GBE1: variants seen among roughly 807,000 people sequenced by gnomAD.
GBE1 encodes the protein 1,4-alpha-glucan branching enzyme 1.
GBE1 carries 70 observed loss-of-function variants against 88.8 expected under a neutral mutation model. The observed-to-expected ratio is 0.79, with a 90% CI of 0.65 to 0.96. The LOEUF (loss-of-function observed/expected upper bound fraction) is 0.96. Among genes scored for constraint, GBE1 ranks in the 40% least tolerant of loss-of-function variants. The pLI is 0.00. For synonymous variants in GBE1, 284 were observed against 300.1 expected, an observed-to-expected ratio of 0.95 and a Z score of 0.56; for missense variants, 872 against 871.0, an observed-to-expected ratio of 1.00 and a Z score of -0.01.
intron 15 of GBE1, among the ~76,000 whole-genome samples, chr3:81,491,150 T>C (rs1241911904): frequency 6.6e-6 from 1 of 152,190 alleles, no homozygotes; most frequent in African/African-American, 2.4e-5. Flanking sequence ...TGATGTGCCT[T>C]CTGCTGTAAA....
Position 81,598,300 on chromosome 3 carries a change from A to G in GBE1, c.993-4277T>C, listed in dbSNP as rs150178366. ...TAGGCTTTTAGGCTGAATGGGTATT[A>G]AACAGTACATCATAAAACCACGAAT... On this transcript the variant is annotated intron_variant, in intron 7 of 15. Transcript: ENST00000429644. Among the ~76,000 whole-genome samples, 546 of 152,166 alleles carry G rather than the reference A, an allele frequency of 3.6e-3. 3 individuals are homozygous for G. Among genetic ancestry groups the G allele is most frequent in the Non-Finnish European group, 4.6e-3 (315 of 67,888 alleles).
intron 1 of GBE1, 23 bp from the exon 2 acceptor site, chr3:81,705,636 A>G (rs1178089360): frequency 1.4e-6 from 2 of 1,467,480 alleles, no homozygotes; most frequent in East Asian, 5.2e-5. Context: ...ATGAAAGAAA[A>G]TGAGTTAGAA....
intron 14 of GBE1, among the ~76,000 whole-genome samples, chr3:81,504,277 G>T (rs1702627007): frequency 6.6e-6 from 1 of 150,964 alleles, no homozygotes; most frequent in African/African-American, 2.5e-5. Flanking sequence ...AGAAAAATCA[G>T]ATAAAATGAT....
chr3:81,624,606 T>C (rs1704377765), intron 7 of GBE1, among the ~76,000 whole-genome samples: 2 of 152,180 alleles, frequency 1.3e-5, no homozygotes, highest in South Asian at 4.1e-4. Context: ...AAATAATATA[T>C]GATCAACCGG....
At chr3:81,556,737 G>A (rs570032127) in intron 12 of GBE1, among the ~76,000 whole-genome samples, 3 of 151,962 alleles carry the variant, frequency 2.0e-5, no homozygotes, top group African/African-American at 2.4e-5. Context: ...GCAGTTTTAC[G>A]CTTTCTAATA....
intron 7 of GBE1, among the ~76,000 whole-genome samples, chr3:81,640,074 T>C (rs2107053965): frequency 6.6e-6 from 1 of 152,318 alleles, no homozygotes; most frequent in Non-Finnish European, 1.5e-5. Flanking sequence ...TTTGTTTAAA[T>C]GAATTTATAT....
intron 14 of GBE1, among the ~76,000 whole-genome samples, chr3:81,507,161 T>C (rs890765093): frequency 6.6e-5 from 10 of 152,086 alleles, no homozygotes; most frequent in African/African-American, 2.4e-4. Flanking sequence ...TTTCTTTCAA[T>C]GGAATATCCA....
chr3:81,562,391 G>A (rs1703432770), intron 12 of GBE1, among the ~76,000 whole-genome samples: 1 of 152,000 alleles, frequency 6.6e-6, no homozygotes, highest in South Asian at 2.1e-4. Flanking sequence ...ACCAACATTA[G>A]CATTCATTTT....
chr3:81,607,623 ATAT>A (rs1180626289), intron 7 of GBE1, among the ~76,000 whole-genome samples: 1 of 152,158 alleles, frequency 6.6e-6, no homozygotes, highest in African/African-American at 2.4e-5. Context: ...TCGTCTTGTC[ATAT>A]TATTTTAATT....
chr3:81,709,209 GT>G (rs1484029929), intron 1 of GBE1, among the ~76,000 whole-genome samples: 6 of 152,106 alleles, frequency 3.9e-5, no homozygotes, highest in African/African-American at 1.4e-4. Context: ...AGTGGCAACT[GT>G]TTCAAAATAC....
intron 12 of GBE1, among the ~76,000 whole-genome samples, chr3:81,577,117 CT>C (rs1703659411): frequency 6.6e-6 from 1 of 150,930 alleles, no homozygotes; most frequent in African/African-American, 2.4e-5. Context: ...TTTTTTTCTT[CT>C]TTTGGTAGAG....
At position 81,692,208 on chromosome 3, in the gene GBE1, G is replaced by C. The variant is rs571676181; in HGVS notation, c.313+13236C>G. The stretch of plus-strand genomic sequence containing the variant: ...ACCATATTTTTATTTTTAATGCCTT[G>C]GATTAAAAGTGCTCAATTAGATAGA... On this transcript the variant is annotated intron_variant, in intron 2 of 15. Transcript: ENST00000429644. Among the ~76,000 whole-genome samples, 105 of 152,204 alleles carry C rather than the reference G, an allele frequency of 6.9e-4. 1 individual carries two copies. The highest frequency in any genetic ancestry group is 2.4e-3 in the African/African-American group (101 of 41,520).
intron 7 of GBE1, among the ~76,000 whole-genome samples, chr3:81,618,647 CT>C (rs1559664850): frequency 6.6e-6 from 1 of 152,126 alleles, no homozygotes; most frequent in Non-Finnish European, 1.5e-5. Context: ...TTTTGCTTCA[CT>C]TTTCTCTCAC....
At chr3:81,518,889 A>G (rs552333316) in intron 14 of GBE1, among the ~76,000 whole-genome samples, 142 of 151,280 alleles carry the variant, frequency 9.4e-4, no homozygotes, top group Non-Finnish European at 1.6e-3. Context: ...ACTGTGTAGA[A>G]CTTCTGGAGA....
At chr3:81,491,611 A>C (rs551852110) in intron 15 of GBE1, among the ~76,000 whole-genome samples, 5 of 152,282 alleles carry the variant, frequency 3.3e-5, no homozygotes, top group African/African-American at 1.2e-4. Context: ...GCAAACAGTA[A>C]AAATAATATT....
chr3:81,744,166 C>A lies in GBE1; in HGVS notation c.143+17209G>T, dbSNP rs1394990895. ...CACTGTCTAATATGGTAGCCACCAG[C>A]CAAACATTATTATTAAGCACTTGAA... On this transcript the variant is annotated intron_variant, in intron 1 of 15. Transcript: ENST00000429644. Among the ~76,000 whole-genome samples, 5 of 152,114 alleles carry A rather than the reference C, an allele frequency of 3.3e-5. No homozygotes were observed. The East Asian group carries it at 9.7e-4, about 29-fold the overall frequency.
rs750612676 is a variant in GBE1 at position 81,760,675 on chromosome 3, T to C, written c.143+700A>G. ...GTAACTAAAGTTGTATGGTACACAA[T>C]GGTAGAAGACAAGCTAAAACGACAT... On this transcript the variant is annotated intron_variant, in intron 1 of 15. Coordinates refer to ENST00000429644, the MANE Select transcript of GBE1 (RefSeq NM_000158.4). Among the ~76,000 whole-genome samples the C allele has an allele frequency of 1.2e-4, 19 of 152,330 alleles. No homozygotes were observed. The East Asian group carries it at 2.3e-3, about 19-fold the overall frequency.
At chr3:81,671,431 T>C (rs1215607781) in intron 2 of GBE1, among the ~76,000 whole-genome samples, 1 of 151,858 alleles carries the variant, frequency 6.6e-6, no homozygotes, top group Non-Finnish European at 1.5e-5. Flanking sequence ...GCAAGAAAGG[T>C]AGAAGGTTAT....
intron 15 of GBE1, among the ~76,000 whole-genome samples, chr3:81,493,110 G>C (rs879540245): frequency 6.6e-6 from 1 of 152,142 alleles, no homozygotes; most frequent in African/African-American, 2.4e-5. Context: ...GTTACAATTT[G>C]AATGGTTCTG....
Sources: allele counts gnomAD v4.1 joint callset (sites outside exome capture counted in the v4.1 genomes callset), GRCh38; gene constraint gnomAD v4.1.1; transcripts MANE v1.5; gene names NCBI Gene and HGNC (gene_info 2026-07-23, HGNC 2026-07-21).